Variants in SDK1 observed in about 807,000 individuals in gnomAD.
SDK1 encodes the protein sidekick cell adhesion molecule 1.
Under a neutral mutation model 245.5 loss-of-function variants are expected in SDK1, and 157 were observed. The observed-to-expected ratio is 0.64, with a 90% CI of 0.56 to 0.73. The LOEUF (loss-of-function observed/expected upper bound fraction) is 0.73, where lower values mean the gene tolerates loss of function less well. Ranked by LOEUF, SDK1 falls within the 30% of genes least tolerant of loss-of-function variation. The pLI, the probability that SDK1 is intolerant of heterozygous loss-of-function variation, is 0.00. For missense variants in SDK1, 3,583 were observed against 3,002.3 expected (o/e 1.19, Z -4.52); for synonymous variants, 1,647 against 1,278.5 (o/e 1.29, Z -6.15).
At chr7:3,440,421 T>G (rs1293217994) in intron 1 of SDK1, among the ~76,000 whole-genome samples, 1 of 152,024 alleles carries the variant, frequency 6.6e-6, no homozygotes, top group Non-Finnish European at 1.5e-5. Flanking sequence ...TAAACAGATG[T>G]GTAGGTTTTC....
At chr7:3,653,698 G>C (rs960434416) in intron 4 of SDK1, among the ~76,000 whole-genome samples, 3 of 152,142 alleles carry the variant, frequency 2.0e-5, no homozygotes, top group African/African-American at 7.2e-5. Context: ...GGTGGAAGAG[G>C]AGAAACGGGT....
intron 1 of SDK1, among the ~76,000 whole-genome samples, chr7:3,362,266 A>G (rs1780973444): frequency 6.6e-6 from 1 of 152,350 alleles, no homozygotes; most frequent in African/African-American, 2.4e-5. Context: ...ACACAGATGT[A>G]TATGTGAGCT....
In SDK1 at chr7:3,402,949, C is replaced by G. The variant is rs371230310; in HGVS notation, c.298+101065C>G. Among the ~76,000 whole-genome samples, 52 of 152,040 alleles carry G rather than the reference C, an allele frequency of 3.4e-4. 2 individuals are homozygous for G. The highest frequency in any genetic ancestry group is 9.9e-4 in the African/African-American group (41 of 41,494). Reference sequence around the variant, plus strand: ...AACATTTCTATTCCTCTGTTTCTTTCTTTCTTTCTTTTTTTGAGACAGAGT... The same window carrying G: ...AACATTTCTATTCCTCTGTTTCTTTGTTTCTTTCTTTTTTTGAGACAGAGT... On this transcript the variant is annotated intron_variant, in intron 1 of 44. Coordinates refer to ENST00000404826, the MANE Select transcript of SDK1 (RefSeq NM_152744.4).
At chr7:3,650,596 G>A (rs954355424) in intron 4 of SDK1, among the ~76,000 whole-genome samples, 1 of 152,166 alleles carries the variant, frequency 6.6e-6, no homozygotes, top group Admixed American at 6.5e-5. Context: ...GTTAAACTGT[G>A]TTACGGTATC....
chr7:3,775,923 T>C (rs1562434694), intron 4 of SDK1, among the ~76,000 whole-genome samples: 2 of 152,352 alleles, frequency 1.3e-5, no homozygotes, highest in South Asian at 4.1e-4. Flanking sequence ...CTTGACTGTC[T>C]TTCCCACAGT....
intron 1 of SDK1, among the ~76,000 whole-genome samples, chr7:3,504,176 A>ATG (rs1453810894): frequency 5.1e-5 from 3 of 58,326 alleles, no homozygotes; most frequent in African/African-American, 1.8e-4. Flanking sequence ...AATTATATAT[A>ATG]TATATATGTG....
intron 1 of SDK1, among the ~76,000 whole-genome samples, chr7:3,502,393 GTGCCTACCACCA>G (rs1554280798): frequency 5.3e-5 from 8 of 152,064 alleles, no homozygotes; most frequent in Non-Finnish European, 1.0e-4. Flanking sequence ...GGGATTACAG[GTGCCTACCACCA>G]TGCCTGGCTA....
At chr7:3,869,343 A>C (rs1430453616) in intron 5 of SDK1, among the ~76,000 whole-genome samples, 1 of 151,766 alleles carries the variant, frequency 6.6e-6, no homozygotes, top group African/African-American at 2.4e-5. Context: ...TTTAGTGGAG[A>C]CGGGGTTTCA....
At chr7:3,702,303 T>C (rs930109396) in intron 4 of SDK1, among the ~76,000 whole-genome samples, 1 of 152,190 alleles carries the variant, frequency 6.6e-6, no homozygotes, top group Non-Finnish European at 1.5e-5. Context: ...AATGCTAAAA[T>C]GGGCAAAAGA....
intron 1 of SDK1, among the ~76,000 whole-genome samples, chr7:3,416,182 T>G (rs1056905012): frequency 2.0e-5 from 3 of 152,186 alleles, no homozygotes; most frequent in Admixed American, 2.0e-4. Flanking sequence ...CTTTATGGCT[T>G]TGTTGTATCA....
intron 25 of SDK1, among the ~76,000 whole-genome samples, chr7:4,126,905 G>C (rs1014952013): frequency 2.6e-5 from 4 of 152,304 alleles, no homozygotes; most frequent in African/African-American, 9.6e-5. Context: ...ACTGAAGGCA[G>C]TTGGCACAGA....
intron 1 of SDK1, among the ~76,000 whole-genome samples, chr7:3,538,753 C>CCCAG (rs1245610680): frequency 2.0e-5 from 3 of 152,174 alleles, no homozygotes; most frequent in Admixed American, 6.5e-5. Flanking sequence ...ACTTCATGAA[C>CCCAG]CTGGAGTGGG....
chr7:3,617,469 A>G (rs1781805393), intron 1 of SDK1, among the ~76,000 whole-genome samples: 1 of 152,234 alleles, frequency 6.6e-6, no homozygotes. Flanking sequence ...CATCCTAGGT[A>G]GAGGAAAGAC....
intron 32 of SDK1, among the ~76,000 whole-genome samples, chr7:4,163,859 T>C (rs922719002): frequency 6.6e-6 from 1 of 152,266 alleles, no homozygotes; most frequent in East Asian, 1.9e-4. Flanking sequence ...ATGACCATGT[T>C]TGAGGTATGA....
chr7:4,239,286 C>T (rs1368340195), intron 42 of SDK1, among the ~76,000 whole-genome samples: 1 of 152,176 alleles, frequency 6.6e-6, no homozygotes, highest in African/African-American at 2.4e-5. Flanking sequence ...AAGGCAGAAT[C>T]CTGCTTGCCT....
chr7:4,043,706 A>G (rs1788810836), intron 17 of SDK1, among the ~76,000 whole-genome samples: 1 of 152,166 alleles, frequency 6.6e-6, no homozygotes, highest in Non-Finnish European at 1.5e-5. Context: ...GGAAATGACT[A>G]CTTATTTAAA....
chr7:4,061,575 G>T (rs904310800), intron 19 of SDK1, among the ~76,000 whole-genome samples: 29 of 152,074 alleles, frequency 1.9e-4, no homozygotes, highest in Non-Finnish European at 2.1e-4. Flanking sequence ...TCAGTGTGGC[G>T]ATTCCTCAGG....
chr7:4,196,843 T>C (rs1283537990), intron 35 of SDK1, among the ~76,000 whole-genome samples: 1 of 152,232 alleles, frequency 6.6e-6, no homozygotes, highest in Non-Finnish European at 1.5e-5. Flanking sequence ...GGAGAGGATT[T>C]ATCTGATGGA....
intron 35 of SDK1, among the ~76,000 whole-genome samples, chr7:4,196,400 T>C (rs1783578332): frequency 6.6e-6 from 1 of 152,220 alleles, no homozygotes; most frequent in Admixed American, 6.5e-5. Flanking sequence ...ACTGTCTCAC[T>C]CTCTGCTTTC....
Sources: allele counts gnomAD v4.1 joint callset (sites outside exome capture counted in the v4.1 genomes callset), GRCh38; gene constraint gnomAD v4.1.1; transcripts MANE v1.5; gene names NCBI Gene and HGNC (gene_info 2026-07-23, HGNC 2026-07-21).